PTP4A1: variants seen among roughly 807,000 people sequenced by gnomAD.
PTP4A1 encodes the protein protein tyrosine phosphatase 4A1.
In PTP4A1, 9 loss-of-function variants were observed where a neutral mutation model predicts 20.5. That is an observed-to-expected ratio of 0.44 (90% CI 0.26 to 0.77). The LOEUF (loss-of-function observed/expected upper bound fraction) is 0.77. Among genes scored for constraint, PTP4A1 ranks in the 30% least tolerant of loss-of-function variants. The pLI, the probability that PTP4A1 is intolerant of heterozygous loss-of-function variation, is 0.19. For missense variants in PTP4A1, 137 were observed against 218.8 expected (o/e 0.63, Z 2.36); for synonymous variants, 78 against 67.4 (o/e 1.16, Z -0.77).
chr6:63,520,629 TCAAA>T (rs1212199615), upstream of PTP4A1, among the ~76,000 whole-genome samples: 2 of 102,432 alleles, frequency 2.0e-5, no homozygotes, highest in African/African-American at 4.3e-5. Context: ...AGACTCTGTC[TCAAA>T]TAAATAAATA....
At chr6:63,571,722 T>G (rs1777436102), upstream of PTP4A1, 1 of 152,264 alleles carries the variant, frequency 6.6e-6, no homozygotes, top group Non-Finnish European at 1.5e-5. Flanking sequence ...TTGAGCCAAC[T>G]GCAGTTGCAC....
chr6:63,579,071 A>G, intron 4 of PTP4A1, 43 bp downstream of exon 4: 2 of 1,520,870 alleles, frequency 1.3e-6, no homozygotes, highest in Non-Finnish European at 1.8e-6. Flanking sequence ...AAATCTATTG[A>G]TAATGAAAAT....
In PTP4A1 at chr6:63,576,678, G is replaced by A; in HGVS notation, c.-203G>A. On this transcript the variant is annotated 5_prime_UTR_variant, in exon 2 of 6. Coordinates refer to ENST00000626021, the MANE Select transcript of PTP4A1 (RefSeq NM_003463.5). The stretch of plus-strand genomic sequence containing the variant: ...ACCTCAGTGCACTTCTTTTCTGTTG[G>A]CCTCAGTATTACTGGATTGAAGAAT... 1.7e-6 allele frequency: 1 copy of A among 580,458 alleles called. No homozygotes were observed. The highest frequency in any genetic ancestry group is 2.3e-5 in the South Asian group (1 of 44,310). The allele number at this position is 580,458 out of a possible 1,614,324, so 36.0% of individuals were successfully genotyped here.
At chr6:63,519,227 A>C (rs183123035), upstream of PTP4A1, among the ~76,000 whole-genome samples, 81 of 152,142 alleles carry the variant, frequency 5.3e-4, no homozygotes, top group African/African-American at 1.4e-3. Flanking sequence ...GAATCACTGA[A>C]ACCTGGGAGG....
intron 3 of PTP4A1, among the ~76,000 whole-genome samples, chr6:63,551,213 G>A (rs769885780): frequency 2.8e-4 from 43 of 151,808 alleles, no homozygotes; most frequent in African/African-American, 7.7e-4. Context: ...CTACAGGGGC[G>A]CGCCACCACA....
chr6:63,545,498 C>T (rs1017476070), intron 2 of PTP4A1, among the ~76,000 whole-genome samples: 1 of 152,010 alleles, frequency 6.6e-6, no homozygotes, highest in Non-Finnish European at 1.5e-5. Flanking sequence ...GTAATCCCAG[C>T]TACTTGGGAG....
At chr6:63,531,961 TG>T (rs1164866419) in intron 2 of PTP4A1, among the ~76,000 whole-genome samples, 1 of 151,884 alleles carries the variant, frequency 6.6e-6, no homozygotes, top group Non-Finnish European at 1.5e-5. Flanking sequence ...CCACCATGGC[TG>T]GTTAATTTTT....
upstream of PTP4A1, among the ~76,000 whole-genome samples, chr6:63,518,679 A>G (rs1399039655): frequency 6.6e-6 from 1 of 152,244 alleles, no homozygotes; most frequent in Admixed American, 6.5e-5. Flanking sequence ...TCTTTCTAGC[A>G]AGCCATTCAG....
intron 2 of PTP4A1, among the ~76,000 whole-genome samples, chr6:63,531,529 T>G (rs527557055): frequency 2.5e-3 from 381 of 149,920 alleles, no homozygotes; most frequent in Middle Eastern, 0.01. Flanking sequence ...TTTTTTTTTT[T>G]TTTGTAAATG....
At chr6:63,559,059 C>T (rs1282458568) in intron 3 of PTP4A1, among the ~76,000 whole-genome samples, 1 of 152,202 alleles carries the variant, frequency 6.6e-6, no homozygotes, top group Non-Finnish European at 1.5e-5. Context: ...TCATTTTGCT[C>T]ACTCTGCTCC....
At chr6:63,526,134 G>A (rs1775158743) in intron 1 of PTP4A1, among the ~76,000 whole-genome samples, 1 of 151,908 alleles carries the variant, frequency 6.6e-6, no homozygotes, top group Non-Finnish European at 1.5e-5. Context: ...AGACCAGCCT[G>A]GCCAACATGG....
upstream of PTP4A1, among the ~76,000 whole-genome samples, chr6:63,521,034 G>A (rs537163752): frequency 3.9e-5 from 6 of 152,148 alleles, no homozygotes; most frequent in South Asian, 1.0e-3. Flanking sequence ...GTTGAACAAT[G>A]AGAACACATG....
chr6:63,529,292 T>G lies in PTP4A1; in HGVS notation c.-640+1208T>G, dbSNP rs184308719. On this transcript the variant is annotated intron_variant, in intron 2 of 3. Transcript: ENST00000639568. Reference sequence around the variant, plus strand: ...TCTGGAGTCTCAGAAAAATAATACCTAGTCTTTCTCTACATAACATTTGAT... The same window carrying G: ...TCTGGAGTCTCAGAAAAATAATACCGAGTCTTTCTCTACATAACATTTGAT... Among the ~76,000 whole-genome samples, 733 of 151,308 alleles carry G rather than the reference T, an allele frequency of 4.8e-3. 4 individuals carry two copies. Among genetic ancestry groups the G allele is most frequent in the African/African-American group, 0.017 (699 of 40,828 alleles).
intron 1 of PTP4A1, among the ~76,000 whole-genome samples, chr6:63,522,978 C>A (rs1774998978): frequency 6.6e-6 from 1 of 151,684 alleles, no homozygotes; most frequent in African/African-American, 2.4e-5. Context: ...GATTCTCCTG[C>A]CACAGCCTCC....
At chr6:63,534,036 G>T (rs1775592673) in intron 2 of PTP4A1, among the ~76,000 whole-genome samples, 1 of 151,862 alleles carries the variant, frequency 6.6e-6, no homozygotes, top group African/African-American at 2.4e-5. Flanking sequence ...GAGAGATGGG[G>T]TTTCACCATT....
At chr6:63,529,214 T>TGTGTGTATATATATA (rs1562112515) in intron 2 of PTP4A1, among the ~76,000 whole-genome samples, 1 of 149,248 alleles carries the variant, frequency 6.7e-6, no homozygotes, top group African/African-American at 2.4e-5. Flanking sequence ...TGTATATATA[T>TGTGTGTATATATATA]TTGCTAATAA....
intron 2 of PTP4A1, chr6:63,549,227 C>G: frequency 1.4e-6 from 1 of 728,112 alleles, no homozygotes; most frequent in Non-Finnish European, 2.5e-6. Flanking sequence ...GCTGAAGTAG[C>G]AGAGCAGCTG....
intron 4 of PTP4A1, 76 bp from the exon 5 acceptor site, chr6:63,579,181 G>C: frequency 6.8e-7 from 1 of 1,469,370 alleles, no homozygotes; most frequent in Admixed American, 1.9e-5. Context: ...CTTCTGAGTT[G>C]GGGAATGTTT....
At chr6:63,529,217 G>A (rs923779142) in intron 2 of PTP4A1, among the ~76,000 whole-genome samples, 6 of 146,560 alleles carry the variant, frequency 4.1e-5, no homozygotes, top group African/African-American at 1.5e-4. Flanking sequence ...ATATATATTT[G>A]CTAATAACTT....
Sources: gnomAD v4.1 joint callset for allele counts (sites outside exome capture counted in the v4.1 genomes callset) on GRCh38, gnomAD v4.1.1 for gene constraint, MANE v1.5 for transcripts, NCBI Gene and HGNC (gene_info 2026-07-23, HGNC 2026-07-21) for gene names.